PDE4B: variants seen among roughly 807,000 people sequenced by gnomAD.
PDE4B encodes 3',5'-cyclic-AMP phosphodiesterase 4B.
PDE4B carries 20 observed loss-of-function variants against 82.2 expected under a neutral mutation model. The observed-to-expected ratio is 0.24, with a 90% confidence interval of 0.17 to 0.35. The LOEUF is 0.35. PDE4B is among the 10% of genes least tolerant of loss of function. The pLI is 1.00. For synonymous variants in PDE4B, 320 were observed against 318.9 expected (o/e 1.00, Z -0.04); for missense variants, 655 against 907.2 (o/e 0.72, Z 3.57).
At chr1:66,007,034 G>T (rs1466073311) in intron 3 of PDE4B, among the ~76,000 whole-genome samples, 2 of 152,168 alleles carry the variant, frequency 1.3e-5, no homozygotes, top group African/African-American at 2.4e-5. Context: ...TCTTGAGGCT[G>T]AGGTGGGAAG....
At chr1:66,245,316 A>G (rs1485182892) in intron 3 of PDE4B, among the ~76,000 whole-genome samples, 3 of 152,214 alleles carry the variant, frequency 2.0e-5, no homozygotes, top group Non-Finnish European at 2.9e-5. Flanking sequence ...TACCAGATGA[A>G]TAACAACATA....
chr1:66,261,922 G>A (rs776928900), intron 6 of PDE4B, among the ~76,000 whole-genome samples: 2 of 152,208 alleles, frequency 1.3e-5, no homozygotes, highest in Non-Finnish European at 2.9e-5. Flanking sequence ...GTGCGCAAGT[G>A]AGTGTGCCCA....
At chr1:66,217,357 G>A (rs1189524736) in intron 3 of PDE4B, among the ~76,000 whole-genome samples, 1 of 152,132 alleles carries the variant, frequency 6.6e-6, no homozygotes, top group African/African-American at 2.4e-5. Context: ...GTGGGAAGTG[G>A]TCACTACTGC....
At chr1:65,860,190 C>T (rs181671153) in intron 1 of PDE4B, among the ~76,000 whole-genome samples, 1 of 152,238 alleles carries the variant, frequency 6.6e-6, no homozygotes, top group Admixed American at 6.5e-5. Flanking sequence ...TAATACTCTC[C>T]CTCCCCTCAC....
At chr1:65,834,661 G>T (rs1195460557) in intron 1 of PDE4B, among the ~76,000 whole-genome samples, 8 of 152,118 alleles carry the variant, frequency 5.3e-5, no homozygotes, top group African/African-American at 1.9e-4. Context: ...ATACCATTTT[G>T]TAAATATGGG....
Position 65,855,526 on chromosome 1 carries a change from C to G in PDE4B, c.-70-57719C>G, listed in dbSNP as rs1646382391. ...AAGTGGTCAATGAGGAATCTCTGCT[C>G]CATCAGAACTCAAATGTTTCCCATT... On this transcript the variant is annotated intron_variant, in intron 1 of 16. Transcript: ENST00000341517. Among the ~76,000 whole-genome samples, 4 of 152,096 alleles carry G rather than the reference C, an allele frequency of 2.6e-5. No individual in the cohort carries two copies. In the South Asian group the frequency reaches 6.2e-4, roughly 24 times the overall value.
Position 66,247,231 on chromosome 1 carries a change from G to T in PDE4B, c.282-229G>T, listed in dbSNP as rs143363936. Among the ~76,000 whole-genome samples, 369 of 152,274 alleles carry T rather than the reference G, an allele frequency of 2.4e-3. 1 individual carries two copies. Among genetic ancestry groups the T allele is most frequent in the African/African-American group, 8.5e-3 (354 of 41,562 alleles). On this transcript the variant is annotated intron_variant, in intron 3 of 16. Transcript: ENST00000341517. ...TGGCTCCATTATTTGCTAATGGTGG[G>T]CATGGGTAAATAACTGAACTTCAGT...
At chr1:66,127,756 T>A (rs1281341063) in intron 3 of PDE4B, among the ~76,000 whole-genome samples, 1 of 152,116 alleles carries the variant, frequency 6.6e-6, no homozygotes, top group East Asian at 1.9e-4. Context: ...TTAGAAAACA[T>A]TTTTTTATCC....
chr1:66,282,072 G>A (rs1024719574), intron 7 of PDE4B, among the ~76,000 whole-genome samples: 3 of 152,138 alleles, frequency 2.0e-5, no homozygotes, highest in South Asian at 2.1e-4. Flanking sequence ...TTGAAGGTAC[G>A]TACACCCTTG....
chr1:66,073,454 G>A lies in PDE4B; in HGVS notation c.281+154619G>A, dbSNP rs72920205. Among the ~76,000 whole-genome samples, 1,324 of 152,118 alleles carry A rather than the reference G, an allele frequency of 8.7e-3. 20 individuals carry two copies. Among genetic ancestry groups the A allele is most frequent in the African/African-American group, 0.03 (1,241 of 41,512 alleles). On this transcript the variant is annotated intron_variant, in intron 3 of 16. Transcript: ENST00000341517. The stretch of plus-strand genomic sequence containing the variant: ...TATGTCAAGTGCTTTATGATGACAC[G>A]TATGACTATAGAAGGGATGGGGAAA...
intron 1 of PDE4B, among the ~76,000 whole-genome samples, chr1:65,815,489 C>T (rs1645872151): frequency 6.6e-6 from 1 of 152,008 alleles, no homozygotes; most frequent in Admixed American, 6.6e-5. Context: ...ACATGGTATC[C>T]TGGATTGGAT....
At position 65,962,458 on chromosome 1, in the gene PDE4B, T is replaced by A. The variant is rs545962509; in HGVS notation, c.281+43623T>A. ...ACTGTTTTACTAGGGACATAGGATGTGTGTGGCTTGACTCAAGCAGCTGAG... is the reference window on the plus strand; with the variant it reads ...ACTGTTTTACTAGGGACATAGGATGAGTGTGGCTTGACTCAAGCAGCTGAG... On this transcript the variant is annotated intron_variant, in intron 3 of 16. Coordinates refer to ENST00000341517, the MANE Select transcript of PDE4B (RefSeq NM_002600.4). 3.3e-5 allele frequency among the ~76,000 whole-genome samples: 5 copies of A among 152,178 alleles called. No homozygotes were observed. In the East Asian group the frequency reaches 9.7e-4, roughly 30 times the overall value.
chr1:66,185,767 T>G, intron 3 of PDE4B, among the ~76,000 whole-genome samples: 1 of 152,044 alleles, frequency 6.6e-6, no homozygotes, highest in Non-Finnish European at 1.5e-5. Flanking sequence ...TGCAAAAATT[T>G]TCTCCCATTC....
intron 8 of PDE4B, among the ~76,000 whole-genome samples, chr1:66,336,322 T>C (rs1376958773): frequency 1.3e-5 from 2 of 152,214 alleles, no homozygotes; most frequent in South Asian, 2.1e-4. Flanking sequence ...GGCGTAATTG[T>C]GACTGGCGGG....
chr1:66,017,596 G>A (rs1245549796), intron 3 of PDE4B, among the ~76,000 whole-genome samples: 3 of 152,140 alleles, frequency 2.0e-5, no homozygotes, highest in Non-Finnish European at 2.9e-5. Context: ...TGTAGAAAAA[G>A]CAAAATGTTT....
chr1:66,249,318 A>G (rs922034439), intron 4 of PDE4B, among the ~76,000 whole-genome samples: 3 of 152,242 alleles, frequency 2.0e-5, no homozygotes, highest in African/African-American at 4.8e-5. Context: ...CTTAATTCAC[A>G]TAGTATTTTA....
chr1:65,993,208 C>A, intron 3 of PDE4B: 4 of 1,221,746 alleles, frequency 3.3e-6, no homozygotes, highest in Non-Finnish European at 4.7e-6. Context: ...AGTGATCTAG[C>A]AGTGTAGAAA....
At chr1:65,859,548 A>T (rs1192070933) in intron 1 of PDE4B, among the ~76,000 whole-genome samples, 1 of 152,166 alleles carries the variant, frequency 6.6e-6, no homozygotes, top group Non-Finnish European at 1.5e-5. Context: ...AAAATTTGGT[A>T]TTCAGTTTTG....
chr1:66,311,499 G>T (rs1421087896), intron 7 of PDE4B, among the ~76,000 whole-genome samples: 1 of 152,242 alleles, frequency 6.6e-6, no homozygotes, highest in Non-Finnish European at 1.5e-5. Flanking sequence ...GGAGGCCTTT[G>T]CTTTCAATAT....
Sources: allele counts gnomAD v4.1 joint callset (sites outside exome capture counted in the v4.1 genomes callset), GRCh38; gene constraint gnomAD v4.1.1; transcripts MANE v1.5; gene names NCBI Gene and HGNC (gene_info 2026-07-23, HGNC 2026-07-21).